The following ANP32A variants were observed in gnomAD, a reference collection of about 807,000 sequenced individuals.
ANP32A encodes the protein acidic leucine-rich nuclear phosphoprotein 32 family member A.
In ANP32A, 1 loss-of-function variant was observed where a neutral mutation model predicts 33.9. The ratio of observed to expected loss-of-function variants is 0.03; its 90% CI spans 0.01 to 0.14. The LOEUF (loss-of-function observed/expected upper bound fraction) is 0.14, where lower values mean the gene tolerates loss of function less well. ANP32A is among the 10% of genes least tolerant of loss of function. The probability of loss-of-function intolerance (pLI) is 1.00; values close to 1 mark genes in which losing one functional copy is unlikely to be tolerated. For missense variants in ANP32A, 155 were observed against 306.0 expected, an observed-to-expected ratio of 0.51 and a Z score of 3.68; for synonymous variants, 115 against 120.5, an observed-to-expected ratio of 0.95 and a Z score of 0.30.
At position 68,787,773 on chromosome 15, in the gene ANP32A, C is replaced by T. The variant is rs1201004956; in HGVS notation, c.201G>A (p.Lys67=). 2 of 1,601,934 alleles carry T rather than the reference C, an allele frequency of 1.2e-6. No individual in the cohort carries two copies. Among genetic ancestry groups the T allele is most frequent in the Non-Finnish European group, 1.7e-6 (2 of 1,169,118 alleles). Residue 67 remains lysine, a synonymous_variant, in exon 2 of 7, where the codon AAG becomes AAA. Coordinates refer to ENST00000465139, the MANE Select transcript of ANP32A (RefSeq NM_006305.4). ...ACACAGACTCCACTCTATTTACCTTCTTAAGTTTGTTTAACTTTGGTAAGT... is the reference window on the plus strand; with the variant it reads ...ACACAGACTCCACTCTATTTACCTTTTTAAGTTTGTTTAACTTTGGTAAGT... The part of the protein sequence containing the change: ...IANLPKLNKL[K]KLELSDNRVS...
intron 1 of ANP32A, among the ~76,000 whole-genome samples, chr15:68,801,100 T>C (rs1398028028): frequency 6.6e-6 from 1 of 151,470 alleles, no homozygotes; most frequent in African/African-American, 2.4e-5. Context: ...GGTGGTAGGA[T>C]AGTGGGTTTC....
At chr15:68,786,420 G>A (rs1191962990) in intron 3 of ANP32A, among the ~76,000 whole-genome samples, 2 of 151,916 alleles carry the variant, frequency 1.3e-5, no homozygotes, top group African/African-American at 4.8e-5. Flanking sequence ...CCACCACGCC[G>A]GGCTAATTTT....
chr15:68,783,203 A>T (rs1020983552), intron 4 of ANP32A, 150 bp from the exon 5 acceptor site: 159 of 1,249,946 alleles, frequency 1.3e-4, no homozygotes, highest in Non-Finnish European at 1.1e-4. Context: ...ACTAACTCTC[A>T]TGAAAACAGT....
intron 1 of ANP32A, among the ~76,000 whole-genome samples, chr15:68,792,894 C>T (rs1894016065): frequency 6.6e-6 from 1 of 152,182 alleles, no homozygotes; most frequent in Admixed American, 6.5e-5. Flanking sequence ...GCCTGGAAAA[C>T]ATTCCTGGCT....
intron 3 of ANP32A, chr15:68,787,111 G>A (rs185156360): frequency 7.4e-4 from 254 of 342,436 alleles, no homozygotes; most frequent in African/African-American, 4.9e-3. Context: ...TACAGCTCAG[G>A]TTTCCAAAGC....
chr15:68,819,365 G>T (rs1288572367), intron 1 of ANP32A, among the ~76,000 whole-genome samples: 1 of 152,236 alleles, frequency 6.6e-6, no homozygotes, highest in Non-Finnish European at 1.5e-5. Flanking sequence ...AAAAACCAGC[G>T]TTCGAGTCAC....
At chr15:68,809,791 G>A (rs1894288609) in intron 1 of ANP32A, among the ~76,000 whole-genome samples, 1 of 152,220 alleles carries the variant, frequency 6.6e-6, no homozygotes, top group Admixed American at 6.5e-5. Flanking sequence ...AAGTACCACA[G>A]ATCCTTCACT....
intron 1 of ANP32A, among the ~76,000 whole-genome samples, chr15:68,803,853 G>A (rs1181154975): frequency 2.2e-5 from 3 of 139,368 alleles, no homozygotes; most frequent in African/African-American, 8.2e-5. Flanking sequence ...CCAGGCTGGA[G>A]TGCAGTGGCA....
chr15:68,799,841 G>A (rs552930017), intron 1 of ANP32A, among the ~76,000 whole-genome samples: 4 of 152,344 alleles, frequency 2.6e-5, no homozygotes, highest in African/African-American at 7.2e-5. Flanking sequence ...AGGCTTGAGG[G>A]TAGGGGAGAC....
chr15:68,801,325 G>C (rs895725018), intron 1 of ANP32A, among the ~76,000 whole-genome samples: 10 of 151,824 alleles, frequency 6.6e-5, no homozygotes, highest in African/African-American at 2.4e-4. Flanking sequence ...TCTACACCCC[G>C]GACATCTCCT....
intron 1 of ANP32A, among the ~76,000 whole-genome samples, chr15:68,809,075 A>G (rs1199680087): frequency 6.6e-6 from 1 of 152,144 alleles, no homozygotes; most frequent in Non-Finnish European, 1.5e-5. Context: ...CTCTCAGGAC[A>G]TGGGCAGAGA....
At chr15:68,785,442 C>G (rs1194258839) in intron 3 of ANP32A, among the ~76,000 whole-genome samples, 1 of 152,150 alleles carries the variant, frequency 6.6e-6, no homozygotes, top group Non-Finnish European at 1.5e-5. Context: ...ACAAAAAAAT[C>G]CCATCCCAGG....
intron 1 of ANP32A, chr15:68,791,583 G>A (rs1395542617): frequency 6.5e-6 from 1 of 152,818 alleles, no homozygotes; most frequent in African/African-American, 2.4e-5. Context: ...GAGGGGGCAA[G>A]GATACAGAGA....
At chr15:68,804,495 A>G (rs2140369058) in intron 1 of ANP32A, among the ~76,000 whole-genome samples, 1 of 152,386 alleles carries the variant, frequency 6.6e-6, no homozygotes, top group South Asian at 2.1e-4. Flanking sequence ...ACACATTTTT[A>G]AAAAGATATT....
In ANP32A at chr15:68,804,613, A is replaced by G. The variant is rs189832637; in HGVS notation, c.54+16085T>C. Among the ~76,000 whole-genome samples the G allele has an allele frequency of 7.0e-3, 1,069 of 152,188 alleles. 5 individuals are homozygous for G. Among genetic ancestry groups the G allele is most frequent in the Non-Finnish European group, 0.011 (748 of 67,988 alleles). ...AGTGGCACAATCTCGGTTCACTGCA[A>G]CCTCTGATTCTCCTGCCTCAGCCTC... On this transcript the variant is annotated intron_variant, in intron 1 of 6. Coordinates refer to ENST00000465139, the MANE Select transcript of ANP32A (RefSeq NM_006305.4).
At chr15:68,798,886 G>A (rs1416367728) in intron 1 of ANP32A, among the ~76,000 whole-genome samples, 5 of 152,184 alleles carry the variant, frequency 3.3e-5, no homozygotes, top group African/African-American at 9.7e-5. Flanking sequence ...CAGAGCAAAC[G>A]CCGCCTCGGC....
intron 1 of ANP32A, among the ~76,000 whole-genome samples, chr15:68,820,425 A>C (rs895691971): frequency 1.3e-5 from 2 of 152,056 alleles, no homozygotes; most frequent in African/African-American, 4.8e-5. Flanking sequence ...CGATGGGTGC[A>C]CACTCGCACG....
intron 1 of ANP32A, among the ~76,000 whole-genome samples, chr15:68,803,994 G>A (rs1004015435): frequency 1.3e-5 from 2 of 151,750 alleles, no homozygotes; most frequent in African/African-American, 4.8e-5. Flanking sequence ...TAGACATGGG[G>A]TTTCACTGTG....
intron 3 of ANP32A, among the ~76,000 whole-genome samples, chr15:68,786,323 G>T (rs1031601356): frequency 2.1e-4 from 30 of 142,032 alleles, no homozygotes; most frequent in African/African-American, 7.9e-4. Context: ...GCAGTGACGC[G>T]ATCTCAGCTC....
Sources: allele counts gnomAD v4.1 joint callset (sites outside exome capture counted in the v4.1 genomes callset), GRCh38; gene constraint gnomAD v4.1.1; transcripts MANE v1.5; gene names NCBI Gene and HGNC (gene_info 2026-07-23, HGNC 2026-07-21).